NUP214: variants seen among roughly 807,000 people sequenced by gnomAD.
NUP214 encodes nucleoporin 214.
In NUP214, 79 loss-of-function variants were observed where a neutral mutation model predicts 196.2. The observed-to-expected ratio is 0.40, with a 90% CI of 0.34 to 0.49. The LOEUF (loss-of-function observed/expected upper bound fraction) is 0.49, where lower values mean the gene tolerates loss of function less well. Ranked by LOEUF, NUP214 falls within the 20% of genes least tolerant of loss-of-function variation. The probability of loss-of-function intolerance (pLI) is 0.58; values close to 1 mark genes in which losing one functional copy is unlikely to be tolerated. For missense variants in NUP214, 2,468 were observed against 2,539.0 expected (o/e 0.97, Z 0.60); for synonymous variants, 1,020 against 990.5 (o/e 1.03, Z -0.56).
chr9:131,219,325 C>T (rs536555176), intron 31 of NUP214, among the ~76,000 whole-genome samples: 3 of 152,360 alleles, frequency 2.0e-5, no homozygotes, highest in Non-Finnish European at 4.4e-5. Flanking sequence ...GAACGTCTCC[C>T]AGGTACGCCT....
At chr9:131,216,696 T>C (rs1025818170) in intron 31 of NUP214, among the ~76,000 whole-genome samples, 1 of 151,372 alleles carries the variant, frequency 6.6e-6, no homozygotes, top group African/African-American at 2.4e-5. Context: ...CTGGCTAGTT[T>C]TTGTATTTTT....
intron 24 of NUP214, chr9:131,187,065 A>G (rs768337092): frequency 1.0e-4 from 51 of 507,880 alleles, no homozygotes; most frequent in Non-Finnish European, 1.4e-4. Flanking sequence ...CAGAAAGGAA[A>G]TAAGTTATAA....
chr9:131,133,725 G>A (rs1474637396), intron 7 of NUP214: 4 of 151,590 alleles, frequency 2.6e-5, no homozygotes, highest in African/African-American at 9.7e-5. Flanking sequence ...ACTGTTATGA[G>A]GTTAAAAAAA....
chr9:131,193,212 A>G lies in NUP214; in HGVS notation c.3659+920A>G, dbSNP rs546482733. ...CCTGTTCTCTGTGCCCTGAGCGCTC[A>G]TGTTGAAACCTGTGTGAGCTGCTGA... On this transcript the variant is annotated intron_variant, in intron 27 of 35. Transcript: ENST00000359428. Among the ~76,000 whole-genome samples the G allele has an allele frequency of 2.2e-4, 34 of 151,630 alleles. No homozygotes were observed. In the Middle Eastern group the frequency reaches 0.01, roughly 46 times the overall value.
At chr9:131,209,728 G>A (rs1025169018) in intron 30 of NUP214, among the ~76,000 whole-genome samples, 40 of 152,150 alleles carry the variant, frequency 2.6e-4, no homozygotes, top group African/African-American at 9.2e-4. Context: ...CTCAGATTGG[G>A]ATCTGAAAGA....
chr9:131,176,914 A>G (rs1021902660), intron 23 of NUP214, among the ~76,000 whole-genome samples: 3 of 152,158 alleles, frequency 2.0e-5, no homozygotes, highest in African/African-American at 7.2e-5. Context: ...GCTGGCATTT[A>G]GTGGGTAGAG....
At position 131,231,615 on chromosome 9, in the gene NUP214, T is replaced by G. The variant is rs1834880761; in HGVS notation, c.6215-669T>G. On this transcript the variant is annotated intron_variant, in intron 34 of 35. Coordinates refer to ENST00000359428, the MANE Select transcript of NUP214 (RefSeq NM_005085.4). ...TCTTACTAGGCCTTGGTTTAAAAAA[T>G]CTAAGCCAGCAGACTCAAAAAAAAA... is the stretch of plus-strand genomic sequence containing the variant. Among the ~76,000 whole-genome samples, 5 of 146,478 alleles carry G rather than the reference T, an allele frequency of 3.4e-5. No homozygotes were observed. The South Asian group carries it at 1.1e-3, about 31-fold the overall frequency.
rs578238788 is a variant in NUP214 at position 131,144,887 on chromosome 9, G to A, written c.1769+133G>A. ...TTACCCAGAGTGATACTTGCAAATG[G>A]CAAAAATTCAACCAACATAAAATAC... is the stretch of plus-strand genomic sequence containing the variant. On this transcript the variant is annotated intron_variant, in intron 12 of 35. Transcript: ENST00000359428. 2.2e-5 allele frequency: 15 copies of A among 676,934 alleles called. No homozygotes were observed. In the Admixed American group the frequency reaches 2.9e-4, roughly 13 times the overall value. 41.9% of individuals were successfully genotyped at this position (676,934 alleles called of 1,614,324 possible).
Position 131,232,441 on chromosome 9 carries a change from G to T in NUP214, c.6239+133G>T. The T allele has an allele frequency of 2.2e-6, 2 of 915,144 alleles. No individual in the cohort carries two copies. The highest frequency in any genetic ancestry group is 3.6e-6 in the Non-Finnish European group (2 of 561,424). The allele number at this position is 915,144 out of a possible 1,614,324, so 56.7% of individuals were successfully genotyped here. A position where few individuals can be genotyped will look rare whatever the true frequency, so the allele number is the denominator to read the frequency against. ...TTTAGAGTTTGTCCTGGAAGTGTGGGGGTTCAGCAGCAGGGTTTGGGTTTT... is the reference window on the plus strand; with the variant it reads ...TTTAGAGTTTGTCCTGGAAGTGTGGTGGTTCAGCAGCAGGGTTTGGGTTTT... On this transcript the variant is annotated intron_variant, in intron 35 of 35. Transcript: ENST00000359428. This position sits in a 1 kb window ranked among gnomAD's most constrained non-coding sequence, Gnocchi z 5.1.
At chr9:131,168,131 C>T (rs1427846707) in intron 21 of NUP214, among the ~76,000 whole-genome samples, 1 of 152,192 alleles carries the variant, frequency 6.6e-6, no homozygotes, top group Admixed American at 6.5e-5. Flanking sequence ...CTTACGTGAT[C>T]TTCCTGCCTC....
rs2131047232 is a variant in NUP214 at position 131,198,480 on chromosome 9, C to T, written c.4986C>T (p.Asn1662=). The T allele has an allele frequency of 6.2e-7, 1 of 1,614,248 alleles. No individual in the cohort carries two copies. The highest frequency in any genetic ancestry group is 2.2e-5 in the East Asian group (1 of 44,876). Residue 1662 remains asparagine, a synonymous_variant, in exon 29 of 36, where the codon AAC becomes AAT. Transcript: ENST00000359428. The stretch of plus-strand genomic sequence containing the variant: ...GCTCAGCTTTCAACCAGCTCACCAA[C>T]AACACAGCCACTGCCCCCTCTGCCA... The part of the protein sequence containing the change: ...SSSSAFNQLT[N]NTATAPSATP...
intron 17 of NUP214, 93 bp from the exon 18 acceptor site, chr9:131,159,290 G>C: frequency 1.3e-6 from 1 of 785,714 alleles, no homozygotes; most frequent in East Asian, 2.7e-5. Context: ...TCTTAATATA[G>C]AAGTATTTTA....
Position 131,232,938 on chromosome 9 carries a change from A to C in NUP214, c.6240-516A>C, listed in dbSNP as rs1382158187. On this transcript the variant is annotated intron_variant, in intron 35 of 35. Coordinates refer to ENST00000359428, the MANE Select transcript of NUP214 (RefSeq NM_005085.4). This position sits in a 1 kb window ranked among gnomAD's most constrained non-coding sequence, Gnocchi z 5.1. ...GGCGGGAGGATCACTTGAGCCTGGGAGGTTGAGGCTGCAGTGAGCCAAGAT... is the reference window on the plus strand; with the variant it reads ...GGCGGGAGGATCACTTGAGCCTGGGCGGTTGAGGCTGCAGTGAGCCAAGAT... The C allele has an allele frequency of 1.9e-5, 3 of 155,956 alleles. No individual in the cohort carries two copies. Among genetic ancestry groups the C allele is most frequent in the Admixed American group, 6.2e-5 (1 of 16,042 alleles). The allele number at this position is 155,956 out of a possible 1,614,324, so 9.7% of individuals were successfully genotyped here.
chr9:131,216,400 A>G (rs1183918688), intron 31 of NUP214, among the ~76,000 whole-genome samples: 6 of 140,824 alleles, frequency 4.3e-5, no homozygotes, highest in Non-Finnish European at 7.6e-5. Context: ...AATTTTTTAT[A>G]TTTTTTTTAG....
chr9:131,171,113 ACAGCAGAGAG>A (rs1239747289), intron 21 of NUP214, among the ~76,000 whole-genome samples: 1 of 152,152 alleles, frequency 6.6e-6, no homozygotes, highest in Non-Finnish European at 1.5e-5. Flanking sequence ...ATCCTTGATC[ACAGCAGAGAG>A]CAGCACCCAT....
At chr9:131,163,778 C>A in intron 19 of NUP214, 92 bp from the exon 20 acceptor site, 2 of 845,560 alleles carry the variant, frequency 2.4e-6, no homozygotes, top group African/African-American at 1.7e-5. Flanking sequence ...ATTCTCATGT[C>A]TTGCATTTAT....
Position 131,150,333 on chromosome 9 carries a change from C to T in NUP214, c.2050C>T (p.Leu684Phe). The T allele has an allele frequency of 6.2e-7, 1 of 1,614,192 alleles. No individual in the cohort carries two copies. The highest frequency in any genetic ancestry group is 8.5e-7 in the Non-Finnish European group (1 of 1,180,008). Residue 684 changes from leucine (L) to phenylalanine (F), a missense_variant, in exon 15 of 36, where the codon CTT (leucine) becomes TTT (phenylalanine). By Grantham distance (22) the Leu-to-Phe change is conservative. Transcript: ENST00000359428. ...AKPGSPQAKS[L>F]QPAVAEKQGH... ...TTTCCTTCCATTTCAGGCAAAGTCA[C>T]TTCAGCCTGCTGTTGCAGAAAAGCA...
intron 17 of NUP214, among the ~76,000 whole-genome samples, chr9:131,155,978 A>G (rs1832423922): frequency 1.3e-5 from 2 of 151,996 alleles, no homozygotes; most frequent in Admixed American, 1.3e-4. Context: ...TTTTAGTTTT[A>G]TATGAATTTT....
At chr9:131,175,327 T>G (rs1833083467) in intron 22 of NUP214, 133 bp from the exon 23 acceptor site, 1 of 1,024,132 alleles carries the variant, frequency 9.8e-7, no homozygotes, top group East Asian at 2.6e-5. Flanking sequence ...CCTGTTAGTT[T>G]ACTGGTACTT....
Sources: allele counts gnomAD v4.1 joint callset (sites outside exome capture counted in the v4.1 genomes callset), GRCh38; gene constraint gnomAD v4.1.1; non-coding constraint Gnocchi (gnomAD v3.1); transcripts MANE v1.5; gene names NCBI Gene and HGNC (gene_info 2026-07-23, HGNC 2026-07-21).